The following ZFHX3 variants were observed in gnomAD, a reference collection of about 807,000 sequenced individuals.
ZFHX3 encodes zinc finger homeobox protein 3.
ZFHX3 carries 42 observed loss-of-function variants against 279.1 expected under a neutral mutation model. The observed-to-expected ratio is 0.15, with a 90% confidence interval of 0.12 to 0.19. ZFHX3 has a LOEUF of 0.19. ZFHX3 is among the 10% of genes least tolerant of loss of function. ZFHX3 has a pLI of 1.00. For synonymous variants in ZFHX3, 2,293 were observed against 1,957.8 expected (o/e 1.17, Z -4.52); for missense variants, 4,981 against 4,754.0 (o/e 1.05, Z -1.40).
At chr16:73,844,302 G>A (rs369922711) in intron 1 of ZFHX3, among the ~76,000 whole-genome samples, 17 of 152,190 alleles carry the variant, frequency 1.1e-4, no homozygotes, top group African/African-American at 4.1e-4. Context: ...GGGTTGAACA[G>A]GACAGCTGTT....
At chr16:73,482,987 T>C (rs1221361896) in intron 2 of ZFHX3, among the ~76,000 whole-genome samples, 1 of 152,152 alleles carries the variant, frequency 6.6e-6, no homozygotes, top group Non-Finnish European at 1.5e-5. Flanking sequence ...ACACAACACA[T>C]CGTTGCAAAA....
chr16:73,791,346 G>A (rs750316567), intron 1 of ZFHX3, among the ~76,000 whole-genome samples: 2 of 152,126 alleles, frequency 1.3e-5, no homozygotes, highest in South Asian at 2.1e-4. Context: ...AGTGTGCATC[G>A]GAATTACTCC....
At chr16:72,849,277 G>T (rs752184731) in intron 4 of ZFHX3, among the ~76,000 whole-genome samples, 1 of 152,160 alleles carries the variant, frequency 6.6e-6, no homozygotes, top group South Asian at 2.1e-4. Context: ...GCGTGGGAAA[G>T]CTCTGCAGCC....
chr16:73,463,678 C>A (rs1223492091), intron 2 of ZFHX3, among the ~76,000 whole-genome samples: 1 of 152,182 alleles, frequency 6.6e-6, no homozygotes, highest in Non-Finnish European at 1.5e-5. Flanking sequence ...GAAAGTGAAT[C>A]AGACCCACAG....
rs1008041721 is a variant in ZFHX3 at position 72,783,949 on chromosome 16, C to T, written c.*3215G>A. 1 of 152,244 alleles carries T rather than the reference C, an allele frequency of 6.6e-6. No individual in the cohort carries two copies. The highest frequency in any genetic ancestry group is 2.4e-5 in the African/African-American group (1 of 41,460). The allele number at this position is 152,244 out of a possible 1,614,324, so 9.4% of individuals were successfully genotyped here. A position where few individuals can be genotyped will look rare whatever the true frequency, so the allele number is the denominator to read the frequency against. On this transcript the variant is annotated 3_prime_UTR_variant, in exon 10 of 10. Transcript: ENST00000268489. ...CACAAACATCTAACTCATGTTTGAC[C>T]TCTAATGTTCACCATCACTGACTGC...
chr16:73,339,891 G>A (rs1011562504), intron 3 of ZFHX3, among the ~76,000 whole-genome samples: 8 of 152,318 alleles, frequency 5.3e-5, no homozygotes, highest in South Asian at 2.1e-4. Context: ...TGACAAAAAC[G>A]ATAATGGCAT....
chr16:73,088,361 C>G (rs1186097279), intron 8 of ZFHX3, among the ~76,000 whole-genome samples: 1 of 152,034 alleles, frequency 6.6e-6, no homozygotes, highest in Non-Finnish European at 1.5e-5. Context: ...CCGTGTTACC[C>G]CAGCTGGTCT....
chr16:73,544,234 T>C (rs973059156), intron 2 of ZFHX3, among the ~76,000 whole-genome samples: 1 of 152,190 alleles, frequency 6.6e-6, no homozygotes, highest in Admixed American at 6.5e-5. Context: ...TTGTTTTACA[T>C]TTATTTCCGC....
chr16:73,020,562 G>C (rs1238684893), intron 1 of ZFHX3, among the ~76,000 whole-genome samples: 1 of 152,216 alleles, frequency 6.6e-6, no homozygotes, highest in Non-Finnish European at 1.5e-5. Context: ...AGCTGCCCCG[G>C]CCAGGCCCGT....
chr16:72,838,135 C>CT (rs202106184), intron 4 of ZFHX3, among the ~76,000 whole-genome samples: 4,068 of 152,294 alleles, frequency 0.027, 383 homozygotes, highest in Admixed American at 0.17. Context: ...ACCCTGACCC[C>CT]GTTCCTGTCC....
chr16:73,063,983 G>A (rs531260084), upstream of ZFHX3, among the ~76,000 whole-genome samples: 11 of 152,242 alleles, frequency 7.2e-5, no homozygotes, highest in African/African-American at 2.4e-4. Flanking sequence ...GTGACGTTCT[G>A]GGGGCTGTAG....
chr16:73,588,039 G>C (rs569934533), intron 2 of ZFHX3, among the ~76,000 whole-genome samples: 2 of 152,254 alleles, frequency 1.3e-5, no homozygotes, highest in East Asian at 3.9e-4. Context: ...AATTTCAAAG[G>C]ACTGCAATGA....
At chr16:73,150,749 G>A (rs1398205821) in intron 5 of ZFHX3, among the ~76,000 whole-genome samples, 1 of 152,176 alleles carries the variant, frequency 6.6e-6, no homozygotes, top group African/African-American at 2.4e-5. Flanking sequence ...ACTCCCGGAT[G>A]ACAGAGCCTG....
At chr16:73,165,334 C>T (rs1486015817) in intron 5 of ZFHX3, among the ~76,000 whole-genome samples, 1 of 152,156 alleles carries the variant, frequency 6.6e-6, no homozygotes, top group Non-Finnish European at 1.5e-5. Flanking sequence ...TTCAACAGGA[C>T]TCCAAGGAGG....
At chr16:73,666,906 A>G (rs2086415) in intron 2 of ZFHX3, among the ~76,000 whole-genome samples, 136,114 of 151,966 alleles carry the variant, frequency 0.9, 61,134 homozygotes, top group East Asian at 0.98. Flanking sequence ...CACAATGCCT[A>G]TGGGATTCAT....
intron 3 of ZFHX3, among the ~76,000 whole-genome samples, chr16:73,395,571 T>A (rs1381623112): frequency 6.6e-6 from 1 of 151,942 alleles, no homozygotes; most frequent in South Asian, 2.1e-4. Context: ...TTGCCCATTA[T>A]CCTGTCCACA....
At chr16:73,842,453 G>A (rs553866202) in intron 1 of ZFHX3, among the ~76,000 whole-genome samples, 1 of 152,188 alleles carries the variant, frequency 6.6e-6, no homozygotes, top group East Asian at 1.9e-4. Flanking sequence ...CACATGGCCA[G>A]GACCTAGAGG....
At chr16:73,445,280 G>GTATATA (rs146186514) in intron 3 of ZFHX3, among the ~76,000 whole-genome samples, 3 of 149,588 alleles carry the variant, frequency 2.0e-5, no homozygotes, top group Non-Finnish European at 4.5e-5. Flanking sequence ...GTATATATGT[G>GTATATA]TGTATATATA....
At chr16:73,194,635 GAT>G (rs1352854080) in intron 5 of ZFHX3, among the ~76,000 whole-genome samples, 1 of 152,208 alleles carries the variant, frequency 6.6e-6, no homozygotes, top group Non-Finnish European at 1.5e-5. Context: ...GAAAATGTAT[GAT>G]ATAATTGAAC....
Sources: gnomAD v4.1 joint callset for allele counts (sites outside exome capture counted in the v4.1 genomes callset) on GRCh38, gnomAD v4.1.1 for gene constraint, MANE v1.5 for transcripts, NCBI Gene and HGNC (gene_info 2026-07-23, HGNC 2026-07-21) for gene names.